Variants in CTNNA2 observed in about 807,000 individuals in gnomAD.
CTNNA2 encodes the protein catenin alpha-2.
CTNNA2 carries 42 observed loss-of-function variants against 101.0 expected under a neutral mutation model. That is an observed-to-expected ratio of 0.42 (90% CI 0.32 to 0.54). CTNNA2 has a LOEUF of 0.54. Ranked by LOEUF, CTNNA2 falls within the 20% of genes least tolerant of loss-of-function variation. The probability of loss-of-function intolerance (pLI) is 0.14; values close to 1 mark genes in which losing one functional copy is unlikely to be tolerated. For synonymous variants in CTNNA2, 450 were observed against 456.4 expected (o/e 0.99, Z 0.18); for missense variants, 871 against 1,223.1 (o/e 0.71, Z 4.29).
At chr2:80,009,222 T>A (rs1348175912) in intron 7 of CTNNA2, among the ~76,000 whole-genome samples, 2 of 152,222 alleles carry the variant, frequency 1.3e-5, no homozygotes, top group East Asian at 3.9e-4. Flanking sequence ...GAAAAGGAGA[T>A]CTTGAGCTTC....
At chr2:80,122,489 T>C (rs113313752) in intron 7 of CTNNA2, among the ~76,000 whole-genome samples, 319 of 152,298 alleles carry the variant, frequency 2.1e-3, no homozygotes, top group African/African-American at 7.2e-3. Context: ...ATCTACTTTT[T>C]TTCTTGCTGA....
chr2:79,862,084 A>G (rs959678604), intron 4 of CTNNA2, among the ~76,000 whole-genome samples: 33 of 152,218 alleles, frequency 2.2e-4, no homozygotes, highest in African/African-American at 7.2e-4. Flanking sequence ...TATATTGTCA[A>G]TTATTAGCAT....
rs569865425 is a variant in CTNNA2, at chr2:80,229,435, A to G, written c.1057-163776A>G. Reference sequence around the variant, plus strand: ...GTTAGAATGGCTCACATCACGCAAGAAAAGTTTACTTACCAGATTACTGGT... The same window carrying G: ...GTTAGAATGGCTCACATCACGCAAGGAAAGTTTACTTACCAGATTACTGGT... On this transcript the variant is annotated intron_variant, in intron 7 of 18. Coordinates refer to ENST00000402739, the MANE Select transcript of CTNNA2 (RefSeq NM_001282597.3). Among the ~76,000 whole-genome samples, 10 of 152,334 alleles carry G rather than the reference A, an allele frequency of 6.6e-5. No individual in the cohort carries two copies. In the South Asian group the frequency reaches 2.1e-3, roughly 32 times the overall value.
At chr2:79,565,115 G>C (rs1675024652) in intron 1 of CTNNA2, among the ~76,000 whole-genome samples, 1 of 152,012 alleles carries the variant, frequency 6.6e-6, no homozygotes, top group Non-Finnish European at 1.5e-5. Flanking sequence ...TTTTGGAAAT[G>C]ATCTTGATGG....
At chr2:79,583,593 A>G (rs1197752068) in intron 1 of CTNNA2, among the ~76,000 whole-genome samples, 3 of 152,106 alleles carry the variant, frequency 2.0e-5, no homozygotes, top group Non-Finnish European at 4.4e-5. Context: ...GCCTTATGCA[A>G]AACCACCGAA....
chr2:79,417,641 C>T (rs1264861626), intron 4 of CTNNA2, among the ~76,000 whole-genome samples: 1 of 152,156 alleles, frequency 6.6e-6, no homozygotes, highest in Non-Finnish European at 1.5e-5. Flanking sequence ...ATTAAGTCTT[C>T]TCTGAGCATT....
At chr2:80,564,063 A>G (rs1693839529) in intron 12 of CTNNA2, among the ~76,000 whole-genome samples, 1 of 152,232 alleles carries the variant, frequency 6.6e-6, no homozygotes, top group Non-Finnish European at 1.5e-5. Flanking sequence ...ATAAATGAGT[A>G]ACATAATGAC....
intron 9 of CTNNA2, among the ~76,000 whole-genome samples, chr2:80,447,167 G>T (rs576613248): frequency 6.6e-6 from 1 of 152,168 alleles, no homozygotes; most frequent in African/African-American, 2.4e-5. Flanking sequence ...ATTTTAGAAG[G>T]GAATGATTAG....
chr2:79,963,749 T>C (rs1689828869), intron 7 of CTNNA2, among the ~76,000 whole-genome samples: 1 of 152,206 alleles, frequency 6.6e-6, no homozygotes, highest in Admixed American at 6.5e-5. Context: ...TCCGTTTCCC[T>C]TGTGATTGAG....
chr2:79,756,145 A>G (rs1391150915), intron 3 of CTNNA2, among the ~76,000 whole-genome samples: 3 of 151,578 alleles, frequency 2.0e-5, no homozygotes, highest in East Asian at 1.9e-4. Context: ...TTATTCTTTC[A>G]CCTGACCTCT....
chr2:79,564,036 G>A (rs1674956902), intron 1 of CTNNA2, among the ~76,000 whole-genome samples: 1 of 152,070 alleles, frequency 6.6e-6, no homozygotes, highest in South Asian at 2.1e-4. Context: ...GGCACAAGAA[G>A]CATTCCTTTT....
intron 8 of CTNNA2, among the ~76,000 whole-genome samples, chr2:80,398,191 T>A (rs1486349621): frequency 6.6e-6 from 1 of 152,128 alleles, no homozygotes; most frequent in East Asian, 1.9e-4. Context: ...CCAGAACAAT[T>A]ACAGAAAAAA....
intron 7 of CTNNA2, among the ~76,000 whole-genome samples, chr2:80,347,306 A>G (rs560184683): frequency 2.4e-4 from 37 of 152,274 alleles, no homozygotes; most frequent in African/African-American, 8.7e-4. Flanking sequence ...CTGTAAAACC[A>G]ATTTTTGTGG....
At chr2:79,955,451 G>A (rs529931806) in intron 7 of CTNNA2, among the ~76,000 whole-genome samples, 2 of 152,320 alleles carry the variant, frequency 1.3e-5, no homozygotes, top group African/African-American at 4.8e-5. Flanking sequence ...AGGTCAGAGT[G>A]TAGAGAAGAC....
chr2:79,554,207 C>CT lies in CTNNA2; in HGVS notation c.-6+41011dup, dbSNP rs35219434. 4.4e-4 allele frequency among the ~76,000 whole-genome samples: 64 copies of CT among 147,008 alleles called. 1 individual carries two copies. Among genetic ancestry groups the CT allele is most frequent in the African/African-American group, 5.5e-4 (22 of 40,182 alleles). On this transcript the variant is annotated intron_variant, in intron 1 of 18. Transcript: ENST00000402739. ...ATCAATACCTGATGGCACATGAAACCTTTTTTTTTTTAAAACACAAATCTG... is the reference window on the plus strand; with the variant it reads ...ATCAATACCTGATGGCACATGAAACCTTTTTTTTTTTTAAAACACAAATCTG...
At chr2:79,351,019 C>T (rs1295535038) in intron 3 of CTNNA2, among the ~76,000 whole-genome samples, 2 of 152,020 alleles carry the variant, frequency 1.3e-5, no homozygotes, top group African/African-American at 2.4e-5. Context: ...GTTTGAATTC[C>T]TTGTGGATTC....
intron 7 of CTNNA2, among the ~76,000 whole-genome samples, chr2:80,086,570 A>T (rs1699449584): frequency 6.6e-6 from 1 of 152,044 alleles, no homozygotes; most frequent in Non-Finnish European, 1.5e-5. Flanking sequence ...CTTAGGAATC[A>T]TGGAATTGGG....
intron 15 of CTNNA2, among the ~76,000 whole-genome samples, chr2:80,599,812 C>G (rs568642317): frequency 7.9e-5 from 12 of 151,888 alleles, no homozygotes; most frequent in Non-Finnish European, 1.8e-4. Context: ...TTAGGGTACA[C>G]GTGCACAATG....
At chr2:79,614,109 T>A (rs1678466791) in intron 1 of CTNNA2, among the ~76,000 whole-genome samples, 1 of 152,200 alleles carries the variant, frequency 6.6e-6, no homozygotes, top group African/African-American at 2.4e-5. Flanking sequence ...TATTCTTTTT[T>A]AAATATACTG....
Sources: gnomAD v4.1 joint callset for allele counts (sites outside exome capture counted in the v4.1 genomes callset) on GRCh38, gnomAD v4.1.1 for gene constraint, MANE v1.5 for transcripts, NCBI Gene and HGNC (gene_info 2026-07-23, HGNC 2026-07-21) for gene names.